Variants in MDGA2 observed in about 807,000 individuals in gnomAD.
The protein encoded by MDGA2 is MAM domain-containing glycosylphosphatidylinositol anchor protein 2.
In MDGA2, 40 loss-of-function variants were observed where a neutral mutation model predicts 117.8. The ratio of observed to expected loss-of-function variants is 0.34; its 90% CI spans 0.26 to 0.44. MDGA2 has a LOEUF of 0.44. Ranked by LOEUF, MDGA2 falls within the 20% of genes least tolerant of loss-of-function variation. MDGA2 has a pLI of 1.00. For missense variants in MDGA2, 1,123 were observed against 1,250.6 expected, an observed-to-expected ratio of 0.90 and a Z score of 1.54; for synonymous variants, 452 against 439.0, an observed-to-expected ratio of 1.03 and a Z score of -0.37.
chr14:47,653,993 G>T (rs536097427), intron 1 of MDGA2, among the ~76,000 whole-genome samples: 17 of 152,224 alleles, frequency 1.1e-4, no homozygotes, highest in African/African-American at 3.1e-4. Context: ...CCTACATAGA[G>T]AACTAATATT....
intron 13 of MDGA2, 48 bp from the exon 14 acceptor site, chr14:46,873,639 A>G (rs1182135708): frequency 6.6e-7 from 1 of 1,517,282 alleles, no homozygotes; most frequent in East Asian, 2.3e-5. Flanking sequence ...TCTTAGGCAT[A>G]ATGAAATTTC....
At chr14:46,967,706 C>A (rs867280895) in intron 8 of MDGA2, among the ~76,000 whole-genome samples, 15 of 152,098 alleles carry the variant, frequency 9.9e-5, no homozygotes, top group African/African-American at 3.6e-4. Context: ...ATTCCAAGAT[C>A]CCCAGCAAAT....
chr14:47,156,271 T>C (rs1485261779), intron 3 of MDGA2, among the ~76,000 whole-genome samples: 1 of 152,212 alleles, frequency 6.6e-6, no homozygotes, highest in Non-Finnish European at 1.5e-5. Context: ...GCTTCTAGGA[T>C]TCTAGGCTAG....
At chr14:46,958,999 T>C (rs933751056) in intron 8 of MDGA2, among the ~76,000 whole-genome samples, 15 of 152,190 alleles carry the variant, frequency 9.9e-5, no homozygotes, top group African/African-American at 3.6e-4. Flanking sequence ...TGGTTGTTTA[T>C]TCATTTATTT....
intron 1 of MDGA2, among the ~76,000 whole-genome samples, chr14:47,379,850 C>G (rs914040780): frequency 6.6e-6 from 1 of 152,162 alleles, no homozygotes; most frequent in Non-Finnish European, 1.5e-5. Flanking sequence ...AGGAACTGAA[C>G]TCAGCTCTGC....
At chr14:47,461,269 A>ATATGTGTGTGTGTGTG (rs1555324400) in intron 1 of MDGA2, among the ~76,000 whole-genome samples, 3 of 142,838 alleles carry the variant, frequency 2.1e-5, no homozygotes, top group South Asian at 2.3e-4. Flanking sequence ...AAAAAAATGT[A>ATATGTGTGTGTGTGTG]TGTGTGTGTG....
At chr14:47,472,693 T>G (rs751549340) in intron 1 of MDGA2, among the ~76,000 whole-genome samples, 1 of 152,104 alleles carries the variant, frequency 6.6e-6, no homozygotes, top group Non-Finnish European at 1.5e-5. Flanking sequence ...TTGACTATCA[T>G]GAAGCATAGA....
intron 2 of MDGA2, among the ~76,000 whole-genome samples, chr14:47,267,576 A>AGTGGAAATAATGGTT (rs1888008805): frequency 6.6e-6 from 1 of 152,084 alleles, no homozygotes; most frequent in Non-Finnish European, 1.5e-5. Context: ...TAATTTTTCC[A>AGTGGAAATAATGGTT]TTATTTTCTG....
chr14:47,518,552 T>C (rs1357693698), intron 1 of MDGA2, among the ~76,000 whole-genome samples: 2 of 152,202 alleles, frequency 1.3e-5, no homozygotes, highest in South Asian at 2.1e-4. Flanking sequence ...TTTGCAACAA[T>C]ATGCAAAAAG....
At chr14:47,569,030 G>T (rs545651548) in intron 1 of MDGA2, among the ~76,000 whole-genome samples, 3 of 150,580 alleles carry the variant, frequency 2.0e-5, no homozygotes, top group African/African-American at 7.3e-5. Flanking sequence ...TGTCATTTTT[G>T]ATATAAAATC....
At chr14:47,087,821 T>C (rs1372043679) in intron 6 of MDGA2, among the ~76,000 whole-genome samples, 1 of 142,352 alleles carries the variant, frequency 7.0e-6, no homozygotes, top group Non-Finnish European at 1.5e-5. Flanking sequence ...AAAAAAAAAC[T>C]ACCAAGAGTC....
chr14:47,177,759 C>T (rs912724756), intron 3 of MDGA2, among the ~76,000 whole-genome samples: 2 of 151,852 alleles, frequency 1.3e-5, no homozygotes, highest in African/African-American at 2.4e-5. Flanking sequence ...ATGTAACTAA[C>T]TTGCACATTG....
At chr14:47,568,275 T>C (rs1895955929) in intron 1 of MDGA2, among the ~76,000 whole-genome samples, 2 of 152,170 alleles carry the variant, frequency 1.3e-5, no homozygotes, top group Non-Finnish European at 2.9e-5. Context: ...CTTATTCCTG[T>C]CCACTTAAAG....
At chr14:47,044,972 C>A (rs1889205340) in intron 7 of MDGA2, among the ~76,000 whole-genome samples, 1 of 152,136 alleles carries the variant, frequency 6.6e-6, no homozygotes, top group South Asian at 2.1e-4. Flanking sequence ...GGGGAGCATG[C>A]AGTGCCATTC....
intron 1 of MDGA2, among the ~76,000 whole-genome samples, chr14:47,494,058 TTTAATTCTCTTTACTCTGCACTTCTCC>T (rs1894228587): frequency 6.6e-6 from 1 of 152,174 alleles, no homozygotes; most frequent in Admixed American, 6.6e-5. Context: ...TATAAGGGGC[TTTAATTCTCTTTACTCTGCACTTCTCC>T]TTCCTGCTGC....
At chr14:46,858,668 C>A (rs1881384004) in intron 14 of MDGA2, among the ~76,000 whole-genome samples, 1 of 152,072 alleles carries the variant, frequency 6.6e-6, no homozygotes. Flanking sequence ...ACCTCGTGAT[C>A]CACCAGCCTT....
chr14:47,439,728 G>A (rs1326644952), intron 1 of MDGA2, among the ~76,000 whole-genome samples: 1 of 151,592 alleles, frequency 6.6e-6, no homozygotes, highest in African/African-American at 2.4e-5. Flanking sequence ...TGTATGTATA[G>A]TCTAAATATT....
intron 2 of MDGA2, among the ~76,000 whole-genome samples, chr14:47,226,216 C>CATAAATAAATAA (rs201861877): frequency 1.6e-3 from 226 of 142,906 alleles, no homozygotes; most frequent in African/African-American, 2.7e-3. Context: ...ACTGTCTCAC[C>CATAAATAAATAA]ATAAATAAAT....
At chr14:47,120,568 A>G (rs1210336704) in intron 5 of MDGA2, among the ~76,000 whole-genome samples, 1 of 152,192 alleles carries the variant, frequency 6.6e-6, no homozygotes, top group Non-Finnish European at 1.5e-5. Flanking sequence ...TTATCAAGAA[A>G]AAAATAAATA....
Sources: allele counts gnomAD v4.1 joint callset (sites outside exome capture counted in the v4.1 genomes callset), GRCh38; gene constraint gnomAD v4.1.1; transcripts MANE v1.5; gene names NCBI Gene and HGNC (gene_info 2026-07-23, HGNC 2026-07-21).